The following DNMT3B variants were observed in gnomAD, a reference collection of about 807,000 sequenced individuals.
DNMT3B encodes DNA methyltransferase 3 beta.
In DNMT3B, 37 loss-of-function variants were observed where a neutral mutation model predicts 120.2. The ratio of observed to expected loss-of-function variants is 0.31; its 90% CI spans 0.24 to 0.40. The LOEUF is 0.40. Among genes scored for constraint, DNMT3B ranks in the 10% least tolerant of loss-of-function variants. The pLI, the probability that DNMT3B is intolerant of heterozygous loss-of-function variation, is 1.00. For missense variants in DNMT3B, 878 were observed against 1,137.3 expected (o/e 0.77, Z 3.28); for synonymous variants, 412 against 442.8 (o/e 0.93, Z 0.87).
intron 1 of DNMT3B, 168 bp from the exon 2 acceptor site, chr20:32,780,150 G>T (rs1369727810): frequency 6.2e-7 from 1 of 1,613,742 alleles, no homozygotes; most frequent in Non-Finnish European, 8.5e-7. Context: ...AGCTTGGTGA[G>T]GGGGAGGCTA....
intron 14 of DNMT3B, among the ~76,000 whole-genome samples, chr20:32,798,254 G>A (rs1980881567): frequency 1.3e-5 from 2 of 152,210 alleles, no homozygotes. Flanking sequence ...TGATCAGAGA[G>A]CCTGTGGGAT....
At chr20:32,796,258 A>G (rs1044376446) in intron 12 of DNMT3B, among the ~76,000 whole-genome samples, 17 of 152,130 alleles carry the variant, frequency 1.1e-4, no homozygotes, top group African/African-American at 3.9e-4. Context: ...TCACTCCCCC[A>G]TCTGGCTAGG....
intron 21 of DNMT3B, 146 bp downstream of exon 21, chr20:32,805,553 C>T (rs2146083678): frequency 1.2e-6 from 1 of 858,702 alleles, no homozygotes; most frequent in South Asian, 1.4e-5. Flanking sequence ...CATGATTGTT[C>T]TGTCCCATCC....
At chr20:32,777,058 G>C (rs538606667) in intron 1 of DNMT3B, among the ~76,000 whole-genome samples, 23 of 152,310 alleles carry the variant, frequency 1.5e-4, no homozygotes, top group Non-Finnish European at 2.9e-4. Flanking sequence ...CACTACAAAC[G>C]TAGGGTCGTG....
At chr20:32,764,182 C>T (rs180698949) in intron 1 of DNMT3B, among the ~76,000 whole-genome samples, 1 of 152,316 alleles carries the variant, frequency 6.6e-6, no homozygotes, top group East Asian at 1.9e-4. Flanking sequence ...AACCCTGTCT[C>T]GCCAAGTTCA....
chr20:32,763,877 T>C (rs553736706), intron 1 of DNMT3B, among the ~76,000 whole-genome samples: 4 of 152,284 alleles, frequency 2.6e-5, no homozygotes, highest in Admixed American at 2.0e-4. Flanking sequence ...AGTATGAACT[T>C]TGAGTTGCCT....
intron 10 of DNMT3B, among the ~76,000 whole-genome samples, 171 bp from the exon 11 acceptor site, chr20:32,795,238 A>G (rs1288184225): frequency 1.3e-5 from 2 of 152,180 alleles, no homozygotes; most frequent in Non-Finnish European, 2.9e-5. Flanking sequence ...GGGGTTTTGA[A>G]TGAGCTCCTG....
In DNMT3B at chr20:32,802,738, G is replaced by A. The variant is rs56770123; in HGVS notation, c.2231+268G>A. Among the ~76,000 whole-genome samples the A allele has an allele frequency of 7.7e-3, 1,178 of 152,296 alleles. 8 individuals carry two copies. Among genetic ancestry groups the A allele is most frequent in the African/African-American group, 0.027 (1,118 of 41,562 alleles). ...CACGTGGCTGGGTGTGGTGGCTCACGCCTGTAATCCCAGCACTTTGGGAGG... is the reference window on the plus strand; with the variant it reads ...CACGTGGCTGGGTGTGGTGGCTCACACCTGTAATCCCAGCACTTTGGGAGG... On this transcript the variant is annotated intron_variant, in intron 20 of 22. Transcript: ENST00000328111.
chr20:32,782,436 A>T (rs1978738468), intron 3 of DNMT3B, among the ~76,000 whole-genome samples: 2 of 152,224 alleles, frequency 1.3e-5, no homozygotes, highest in Admixed American at 1.3e-4. Context: ...AGAAGAGTTG[A>T]AGTTGATTGA....
rs1285644597 is a variant in DNMT3B, at chr20:32,788,580, G to A, written c.655-274G>A. 3.9e-5 allele frequency among the ~76,000 whole-genome samples: 6 copies of A among 152,142 alleles called. No individual in the cohort carries two copies. The South Asian group carries it at 1.0e-3, about 26-fold the overall frequency. ...GCCTCCTGAGTAGCTAGGACTACAG[G>A]CGTGCACCACCAAGCCCAGCTACTT... On this transcript the variant is annotated intron_variant, in intron 6 of 22. Transcript: ENST00000328111.
chr20:32,772,522 C>T (rs1987800945), intron 1 of DNMT3B, among the ~76,000 whole-genome samples: 1 of 152,116 alleles, frequency 6.6e-6, no homozygotes, highest in Non-Finnish European at 1.5e-5. Context: ...TAGGTGGCCA[C>T]AGGAATTGGG....
At chr20:32,797,109 A>C in intron 13 of DNMT3B, 78 bp from the exon 14 acceptor site, 1 of 1,605,984 alleles carries the variant, frequency 6.2e-7, no homozygotes, top group Non-Finnish European at 8.5e-7. Flanking sequence ...GCTGTATCCT[A>C]GGGCCTCCAC....
rs756395138 is a variant in DNMT3B at position 32,796,844 on chromosome 20, A to AG, written c.1359dup (p.Leu454AlafsTer11). The AG allele has an allele frequency of 4.3e-6, 7 of 1,613,894 alleles. No individual in the cohort carries two copies. The highest frequency in any genetic ancestry group is 2.2e-5 in the East Asian group (1 of 44,856). ...CCCGTGTCCTTCCACCCTCTCTTTG[A>AG]GGGGGGGCTCTGTCAGACATGCCGG... is the stretch of plus-strand genomic sequence containing the variant. On this transcript the variant is annotated frameshift_variant, in exon 13 of 23. Coordinates refer to ENST00000328111, the MANE Select transcript of DNMT3B (RefSeq NM_006892.4). LOFTEE classifies it high-confidence loss of function.
At chr20:32,790,722 G>A (rs1245246423) in intron 7 of DNMT3B, among the ~76,000 whole-genome samples, 3 of 152,032 alleles carry the variant, frequency 2.0e-5, no homozygotes, top group African/African-American at 4.8e-5. Context: ...CCAGGCTGGA[G>A]TGCAGTGGCA....
chr20:32,779,965 C>T (rs1196236456), intron 1 of DNMT3B: 14 of 1,009,092 alleles, frequency 1.4e-5, no homozygotes, highest in African/African-American at 4.8e-5. Flanking sequence ...CAGAGGCTGG[C>T]GGCAGACGGG....
intron 1 of DNMT3B, among the ~76,000 whole-genome samples, chr20:32,772,873 C>CGTT (rs1568822680): frequency 7.3e-4 from 71 of 97,612 alleles, no homozygotes; most frequent in African/African-American, 3.3e-3. Context: ...TGTTTGGACA[C>CGTT]ATTTTTTTTT....
intron 1 of DNMT3B, among the ~76,000 whole-genome samples, chr20:32,778,621 A>G (rs1352689892): frequency 6.6e-6 from 1 of 152,208 alleles, no homozygotes; most frequent in Non-Finnish European, 1.5e-5. Flanking sequence ...GGCTCATCAG[A>G]CTGAGCTCAC....
Position 32,806,322 on chromosome 20 carries a change from C to T in DNMT3B, c.2415C>T (p.Leu805=). The T allele has an allele frequency of 6.2e-7, 1 of 1,614,082 alleles. No homozygotes were observed. ...GKEDVLWCTE[L]ERIFGFPVHY... Reference sequence around the variant, plus strand: ...AAGATGTTTTGTGGTGCACTGAGCTCGAAAGGTGAGCAAGGCTGCACTTGG... The same window carrying T: ...AAGATGTTTTGTGGTGCACTGAGCTTGAAAGGTGAGCAAGGCTGCACTTGG... The change falls in exon 22 of 23, where the codon CTC becomes CTT. Residue 805 remains leucine, a synonymous_variant. Transcript: ENST00000328111.
At chr20:32,791,850 G>A in intron 8 of DNMT3B, 142 bp downstream of exon 8, 1 of 840,402 alleles carries the variant, frequency 1.2e-6, no homozygotes, top group Non-Finnish European at 1.9e-6. Context: ...AACATAACAT[G>A]ATGGCCACCG....
Sources: gnomAD v4.1 joint callset for allele counts (sites outside exome capture counted in the v4.1 genomes callset) on GRCh38, gnomAD v4.1.1 for gene constraint, MANE v1.5 for transcripts, NCBI Gene and HGNC (gene_info 2026-07-23, HGNC 2026-07-21) for gene names.